Variants in UPK1B observed in about 807,000 individuals in gnomAD.
The protein encoded by UPK1B is uroplakin 1B, also known as uroplakin-1b.
Under a neutral mutation model 34.2 loss-of-function variants are expected in UPK1B, and 28 were observed. The observed-to-expected ratio is 0.82, with a 90% confidence interval of 0.61 to 1.12. UPK1B has a LOEUF of 1.12. Ranked by LOEUF, UPK1B falls within the 50% of genes most tolerant of loss-of-function variation. UPK1B has a pLI of 0.00. For missense variants in UPK1B, 325 were observed against 320.9 expected (o/e 1.01, Z -0.10); for synonymous variants, 81 against 110.4 (o/e 0.73, Z 1.67).
At chr3:119,200,313 A>G (rs1352918444) in intron 7 of UPK1B, among the ~76,000 whole-genome samples, 2 of 152,226 alleles carry the variant, frequency 1.3e-5, no homozygotes, top group Non-Finnish European at 2.9e-5. Flanking sequence ...CTGGCCTCCC[A>G]AAACACTGGG....
At chr3:119,187,391 A>G (rs748501604) in intron 2 of UPK1B, among the ~76,000 whole-genome samples, 20 of 152,338 alleles carry the variant, frequency 1.3e-4, no homozygotes, top group Non-Finnish European at 2.8e-4. Context: ...ATAAGCAGCA[A>G]GGTTCCTCTC....
intron 1 of UPK1B, among the ~76,000 whole-genome samples, chr3:119,183,785 A>G (rs900894856): frequency 2.0e-5 from 3 of 152,230 alleles, no homozygotes; most frequent in African/African-American, 7.2e-5. Flanking sequence ...TCTGTTGAGA[A>G]GATGAATATC....
intron 6 of UPK1B, among the ~76,000 whole-genome samples, chr3:119,195,895 A>G (rs893049776): frequency 2.0e-5 from 3 of 152,150 alleles, no homozygotes; most frequent in African/African-American, 7.2e-5. Flanking sequence ...CAAATGAACT[A>G]TTTTCCTCTA....
intron 7 of UPK1B, 110 bp downstream of exon 7, chr3:119,199,250 AG>A: frequency 8.2e-7 from 1 of 1,225,376 alleles, no homozygotes; most frequent in Non-Finnish European, 1.1e-6. Context: ...ACAAAACCTC[AG>A]GCCTGAAGGC....
rs2078041383 is a variant in UPK1B at position 119,190,970 on chromosome 3, T to A, written c.346-12T>A. On this transcript the variant is annotated splice_polypyrimidine_tract_variant and intron_variant, in intron 4 of 7. Transcript: ENST00000264234. ...CTATCTCTCCCTCTTGTGTTGCCTC[T>A]TCCTACTATAGTTCACACCCAACCT... 4 of 1,613,006 alleles carry A rather than the reference T, an allele frequency of 2.5e-6. No homozygotes were observed. In the African/African-American group the frequency reaches 5.3e-5, roughly 22 times the overall value.
intron 1 of UPK1B, among the ~76,000 whole-genome samples, chr3:119,180,408 A>C (rs1246382575): frequency 6.6e-6 from 1 of 152,188 alleles, no homozygotes; most frequent in African/African-American, 2.4e-5. Flanking sequence ...TATCCCAGCA[A>C]TATCTAGACT....
Position 119,190,993 on chromosome 3 carries a change from C to T in UPK1B, c.357C>T (p.Asn119=). The change falls in exon 5 of 8, where the codon AAC becomes AAT. Residue 119 remains asparagine, a synonymous_variant. Transcript: ENST00000264234. ...AATQQDFFTP[N]LFLKQMLERY... is the part of the protein sequence containing the mutation. ...TCTTCCTACTATAGTTCACACCCAA[C>T]CTCTTCCTGAAGCAGATGCTAGAGA... 1 of 1,613,976 alleles carries T rather than the reference C, an allele frequency of 6.2e-7. No individual in the cohort carries two copies. Among genetic ancestry groups the T allele is most frequent in the South Asian group, 1.1e-5 (1 of 91,048 alleles).
At chr3:119,186,176 C>T (rs149571044) in intron 1 of UPK1B, among the ~76,000 whole-genome samples, 106 of 152,306 alleles carry the variant, frequency 7.0e-4, no homozygotes, top group African/African-American at 2.5e-3. Context: ...TTCTAGTCCC[C>T]GTTTTCACTT....
intron 6 of UPK1B, among the ~76,000 whole-genome samples, chr3:119,195,890 G>A (rs778527537): frequency 6.6e-6 from 1 of 152,150 alleles, no homozygotes; most frequent in Non-Finnish European, 1.5e-5. Context: ...AGATACAAAT[G>A]AACTATTTTC....
intron 7 of UPK1B, among the ~76,000 whole-genome samples, chr3:119,201,593 A>G (rs2078090984): frequency 6.6e-6 from 1 of 152,200 alleles, no homozygotes; most frequent in African/African-American, 2.4e-5. Flanking sequence ...AGGAGCTACA[A>G]TTCAAGATGA....
chr3:119,180,625 T>C (rs1255290984), intron 1 of UPK1B, among the ~76,000 whole-genome samples: 1 of 152,110 alleles, frequency 6.6e-6, no homozygotes, highest in Non-Finnish European at 1.5e-5. Context: ...CCTTTTGTTC[T>C]TTCTCCGTGC....
chr3:119,188,538 T>C (rs1478847195), intron 3 of UPK1B, among the ~76,000 whole-genome samples: 2 of 152,214 alleles, frequency 1.3e-5, no homozygotes, highest in African/African-American at 4.8e-5. Context: ...CCAGAAAACC[T>C]TGATAAGCAC....
In UPK1B at chr3:119,186,738, G is replaced by A. The variant is rs369479632; in HGVS notation, c.-4G>A. On this transcript the variant is annotated 5_prime_UTR_variant, in exon 2 of 8. Transcript: ENST00000264234. ...GTGCCTTCAGCTTGTGGGAAATCCC[G>A]AAGATGGCCAAAGACAACTCAACTG... 55 of 1,613,962 alleles carry A rather than the reference G, an allele frequency of 3.4e-5. 1 individual carries two copies. The highest frequency in any genetic ancestry group is 2.0e-4 in the South Asian group (18 of 91,012).
chr3:119,187,188 C>T (rs2078023046), intron 2 of UPK1B, among the ~76,000 whole-genome samples: 2 of 152,104 alleles, frequency 1.3e-5, no homozygotes, highest in Admixed American at 1.3e-4. Context: ...TCTTGTTCTT[C>T]TCATACAGAG....
At chr3:119,181,483 A>C (rs897297720) in intron 1 of UPK1B, among the ~76,000 whole-genome samples, 8 of 152,138 alleles carry the variant, frequency 5.3e-5, no homozygotes, top group Non-Finnish European at 1.0e-4. Context: ...GTAACCCTTG[A>C]AGTTAAGTAT....
At chr3:119,185,507 T>C (rs2078013953) in intron 1 of UPK1B, among the ~76,000 whole-genome samples, 1 of 148,058 alleles carries the variant, frequency 6.8e-6, no homozygotes. Context: ...TATCCACCTC[T>C]ACTCTACATA....
Position 119,199,096 on chromosome 3 carries a change from GC to G in UPK1B, c.690del (p.Trp231GlyfsTer55). 6.2e-7 allele frequency: 1 copy of G among 1,614,120 alleles called. No individual in the cohort carries two copies. The highest frequency in any genetic ancestry group is 8.5e-7 in the Non-Finnish European group (1 of 1,179,998). On this transcript the variant is annotated frameshift_variant, in exon 7 of 8. Coordinates refer to ENST00000264234, the MANE Select transcript of UPK1B (RefSeq NM_006952.4). LOFTEE classifies it high-confidence loss of function. Reference sequence around the variant, plus strand: ...GATCTCTGGTCCAATGAACCGACACGCCTGGGGGGTTGCCTGGTTTGGATTT... The same window carrying G: ...GATCTCTGGTCCAATGAACCGACACGCTGGGGGGTTGCCTGGTTTGGATTT... ...ELISGPMNRH[A>X]WGVAWFGFAI... is the part of the protein sequence containing the mutation.
intron 3 of UPK1B, 50 bp from the exon 4 acceptor site, chr3:119,190,195 C>T (rs745713193): frequency 5.7e-6 from 8 of 1,411,780 alleles, no homozygotes; most frequent in South Asian, 3.8e-5. Context: ...GGGCAAGTCG[C>T]TCTTTGACGG....
At chr3:119,174,140 G>A (rs1029505128) in intron 1 of UPK1B, among the ~76,000 whole-genome samples, 1 of 152,198 alleles carries the variant, frequency 6.6e-6, no homozygotes, top group African/African-American at 2.4e-5. Flanking sequence ...ATTTGGTCCT[G>A]CCAACCTGTA....
Sources: gnomAD v4.1 joint callset for allele counts (sites outside exome capture counted in the v4.1 genomes callset) on GRCh38, gnomAD v4.1.1 for gene constraint, MANE v1.5 for transcripts, NCBI Gene and HGNC (gene_info 2026-07-23, HGNC 2026-07-21) for gene names.